ZXDC: variants seen among roughly 807,000 people sequenced by gnomAD.
ZXDC encodes ZXD family zinc finger C.
Under a neutral mutation model 63.6 loss-of-function variants are expected in ZXDC, and 58 were observed. The ratio of observed to expected loss-of-function variants is 0.91; its 90% CI spans 0.74 to 1.13. The LOEUF (loss-of-function observed/expected upper bound fraction) is 1.13. Ranked by LOEUF, ZXDC falls within the 50% of genes most tolerant of loss-of-function variation. ZXDC has a pLI of 0.00. For missense variants in ZXDC, 1,133 were observed against 1,148.9 expected (o/e 0.99, Z 0.20); for synonymous variants, 561 against 496.1 (o/e 1.13, Z -1.74).
At chr3:126,464,961 G>C (rs1051131099) in intron 5 of ZXDC, among the ~76,000 whole-genome samples, 1 of 152,216 alleles carries the variant, frequency 6.6e-6, no homozygotes, top group African/African-American at 2.4e-5. Context: ...CTTCTAAATA[G>C]GATCACAAGA....
chr3:126,438,662 T>G (rs551437310), intron 9 of ZXDC, among the ~76,000 whole-genome samples: 1 of 152,372 alleles, frequency 6.6e-6, no homozygotes, highest in South Asian at 2.1e-4. Context: ...TTTTCAAGAT[T>G]GTTCTGTCTG....
At chr3:126,452,841 C>T (rs1012495910) in intron 7 of ZXDC, among the ~76,000 whole-genome samples, 3 of 151,846 alleles carry the variant, frequency 2.0e-5, no homozygotes, top group African/African-American at 4.8e-5. Flanking sequence ...TGGGCTCAAG[C>T]GATTCTTCCG....
intron 6 of ZXDC, chr3:126,460,017 A>T: frequency 1.0e-6 from 1 of 985,478 alleles, no homozygotes. Flanking sequence ...AGAAACTTTT[A>T]AAATCAATTA....
chr3:126,439,620 A>C lies in ZXDC; in HGVS notation c.2490+12T>G. On this transcript the variant is annotated intron_variant, in intron 9 of 9. Transcript: ENST00000389709. The stretch of plus-strand genomic sequence containing the variant: ...TCAATAAGAAAAACAAAGGGCAGTA[A>C]GGCATCCAGACCTGGAGGACGTAGA... The C allele has an allele frequency of 6.4e-7, 1 of 1,552,136 alleles. No homozygotes were observed. The highest frequency in any genetic ancestry group is 8.7e-7 in the Non-Finnish European group (1 of 1,147,224).
At position 126,461,878 on chromosome 3, in the gene ZXDC, C is replaced by G. The variant is rs1246235162; in HGVS notation, c.1784G>C (p.Ser595Thr). 2.5e-6 allele frequency: 4 copies of G among 1,614,214 alleles called. No homozygotes were observed. The highest frequency in any genetic ancestry group is 2.5e-6 in the Non-Finnish European group (3 of 1,180,048). The change falls in exon 6 of 10, where the codon AGC (serine) becomes ACC (threonine). Residue 595 changes from serine (S) to threonine (T), a missense_variant. Coordinates refer to ENST00000389709, the MANE Select transcript of ZXDC (RefSeq NM_025112.5). ...GTAATVLQQG[S>T]FSVDDVQTVS... ...AGTCTGCACGTCATCCACACTGAAG[C>G]TGCCCTGCTGCAGAACCGTGGCTGC...
intron 5 of ZXDC, among the ~76,000 whole-genome samples, chr3:126,465,606 AT>A (rs1469156686): frequency 1.3e-5 from 2 of 152,240 alleles, no homozygotes; most frequent in African/African-American, 4.8e-5. Context: ...TAGGGGACAT[AT>A]GCTAGGGAAA....
chr3:126,462,056 C>T lies in ZXDC; in HGVS notation c.1606G>A (p.Gly536Arg), dbSNP rs777448879. The T allele has an allele frequency of 1.1e-5, 17 of 1,614,116 alleles. No individual in the cohort carries two copies. Among genetic ancestry groups the T allele is most frequent in the Non-Finnish European group, 1.4e-5 (17 of 1,180,020 alleles). Residue 536 changes from glycine to arginine, a missense_variant, in exon 6 of 10, where the codon GGA becomes AGA. Gly to Arg is a moderately radical substitution (Grantham distance 125). Coordinates refer to ENST00000389709, the MANE Select transcript of ZXDC (RefSeq NM_025112.5). Reference protein sequence around the residue: ...AGGSDEALNSGILTIDVTSVS... With the variant: ...AGGSDEALNSRILTIDVTSVS... ...GAAGTGACGTCAATAGTCAGGATTC[C>T]GGAGTTCAGAGCCTCATCCGACCCA...
At chr3:126,444,965 G>A (rs61389773) in intron 7 of ZXDC, among the ~76,000 whole-genome samples, 2,614 of 152,112 alleles carry the variant, frequency 0.017, 81 homozygotes, top group African/African-American at 0.059. Flanking sequence ...TTTTACAACA[G>A]GAAAAAAGAT....
At chr3:126,466,565 C>T (rs41266455) in intron 4 of ZXDC, among the ~76,000 whole-genome samples, 5,155 of 152,330 alleles carry the variant, frequency 0.034, 197 homozygotes, top group Admixed American at 0.11. Flanking sequence ...CCTACCTCAG[C>T]TATGCCTAAG....
At chr3:126,450,859 C>A (rs917764000) in intron 7 of ZXDC, among the ~76,000 whole-genome samples, 2 of 152,254 alleles carry the variant, frequency 1.3e-5, no homozygotes, top group African/African-American at 4.8e-5. Context: ...GCACAGCCAC[C>A]TCACCCTCTG....
chr3:126,441,495 G>A (rs1933674308), intron 8 of ZXDC: 2 of 1,227,760 alleles, frequency 1.6e-6, no homozygotes, highest in African/African-American at 3.1e-5. Context: ...GGGGCTAGAC[G>A]CAGGGCTGTG....
At chr3:126,449,768 A>T (rs1482578295) in intron 7 of ZXDC, among the ~76,000 whole-genome samples, 1 of 152,232 alleles carries the variant, frequency 6.6e-6, no homozygotes, top group Non-Finnish European at 1.5e-5. Context: ...GGGACGACCG[A>T]AAGGGGACAC....
At chr3:126,465,023 C>T (rs182708875) in intron 5 of ZXDC, among the ~76,000 whole-genome samples, 1 of 152,204 alleles carries the variant, frequency 6.6e-6, no homozygotes, top group Non-Finnish European at 1.5e-5. Flanking sequence ...AAACTCTGTG[C>T]GAGGCATGGA....
chr3:126,460,616 C>T, intron 6 of ZXDC: 1 of 985,368 alleles, frequency 1.0e-6, no homozygotes, highest in Non-Finnish European at 1.2e-6. Flanking sequence ...CATCCCTGCC[C>T]AGTCACCTGT....
chr3:126,439,265 T>A (rs1560086541), intron 9 of ZXDC, among the ~76,000 whole-genome samples: 1 of 152,282 alleles, frequency 6.6e-6, no homozygotes, highest in African/African-American at 2.4e-5. Context: ...AATCATTCAC[T>A]GCCACCCATC....
chr3:126,465,996 T>G (rs954324457), intron 5 of ZXDC, among the ~76,000 whole-genome samples, 159 bp downstream of exon 5: 3 of 152,148 alleles, frequency 2.0e-5, no homozygotes, highest in Non-Finnish European at 4.4e-5. Context: ...GGCAAGAAAG[T>G]GGCAGAGAGT....
In ZXDC at chr3:126,441,475, G is replaced by A. The variant is rs951684188; in HGVS notation, c.2394+290C>T. On this transcript the variant is annotated intron_variant, in intron 8 of 9. Transcript: ENST00000389709. ...CCCTGGGGGCCTCGGGCAGGGAGGC[G>A]GGCTACTCTGGGGCTAGACGCAGGG... 17 of 1,193,424 alleles carry A rather than the reference G, an allele frequency of 1.4e-5. No individual in the cohort carries two copies. The South Asian group carries it at 1.7e-4, about 12-fold the overall frequency. The allele number at this position is 1,193,424 out of a possible 1,614,324, so 73.9% of individuals were successfully genotyped here. A position where few individuals can be genotyped will look rare whatever the true frequency, so the allele number is the denominator to read the frequency against.
At chr3:126,462,365 G>C (rs1302822890) in intron 5 of ZXDC, 145 bp from the exon 6 acceptor site, 5 of 1,386,988 alleles carry the variant, frequency 3.6e-6, no homozygotes, top group Non-Finnish European at 4.7e-6. Flanking sequence ...TATCACGACA[G>C]AGTCCCATGG....
intron 7 of ZXDC, chr3:126,453,130 T>C (rs1934172057): frequency 1.0e-6 from 1 of 985,372 alleles, no homozygotes; most frequent in Non-Finnish European, 1.2e-6. Context: ...ACTGAGGAAC[T>C]ATTCATATTC....
Sources: allele counts gnomAD v4.1 joint callset (sites outside exome capture counted in the v4.1 genomes callset), GRCh38; gene constraint gnomAD v4.1.1; transcripts MANE v1.5; gene names NCBI Gene and HGNC (gene_info 2026-07-23, HGNC 2026-07-21).